DNAJB6: variants seen among roughly 807,000 people sequenced by gnomAD.
DNAJB6 encodes the protein DnaJ heat shock protein family (Hsp40) member B6.
DNAJB6 carries 16 observed loss-of-function variants against 42.7 expected under a neutral mutation model. The observed-to-expected ratio is 0.37, with a 90% CI of 0.25 to 0.57. The LOEUF (loss-of-function observed/expected upper bound fraction) is 0.57, where lower values mean the gene tolerates loss of function less well. DNAJB6 is among the 20% of genes least tolerant of loss of function. The pLI is 0.74. For synonymous variants in DNAJB6, 170 were observed against 163.5 expected (o/e 1.04, Z -0.30); for missense variants, 347 against 416.8 (o/e 0.83, Z 1.46).
At chr7:157,367,971 T>C (rs952674030) in intron 5 of DNAJB6, among the ~76,000 whole-genome samples, 16 of 150,852 alleles carry the variant, frequency 1.1e-4, no homozygotes, top group Non-Finnish European at 2.2e-4. Context: ...ACAAAAAAAA[T>C]ACTAAAAATT....
intron 8 of DNAJB6, among the ~76,000 whole-genome samples, chr7:157,399,983 A>G (rs1240343528): frequency 6.6e-6 from 1 of 152,184 alleles, no homozygotes; most frequent in Non-Finnish European, 1.5e-5. Flanking sequence ...TTTTGTCAGG[A>G]GAATATCAGC....
chr7:157,416,186 G>A lies in DNAJB6; in HGVS notation c.*88G>A, dbSNP rs139193261. On this transcript the variant is annotated 3_prime_UTR_variant, in exon 10 of 10. Transcript: ENST00000262177. Reference sequence around the variant, plus strand: ...TCGTGCACACGCGCTAGGTAGCAGCGTCGGTCAGGACTGTCTCGAGGCCAC... The same window carrying A: ...TCGTGCACACGCGCTAGGTAGCAGCATCGGTCAGGACTGTCTCGAGGCCAC... 1.9e-3 allele frequency: 2,970 copies of A among 1,550,378 alleles called. 95 individuals carry two copies. The Admixed American group carries it at 0.05, about 26-fold the overall frequency.
At chr7:157,347,689 ATAAT>A (rs1183518099) in intron 1 of DNAJB6, among the ~76,000 whole-genome samples, 3 of 152,282 alleles carry the variant, frequency 2.0e-5, no homozygotes, top group Non-Finnish European at 4.4e-5. Flanking sequence ...TAATCGGCTA[ATAAT>A]TAAGCCTCAA....
chr7:157,409,708 G>C lies in DNAJB6; in HGVS notation c.692-87G>C, dbSNP rs992491582. 28 of 1,378,668 alleles carry C rather than the reference G, an allele frequency of 2.0e-5. No individual in the cohort carries two copies. In the African/African-American group the frequency reaches 2.4e-4, roughly 12 times the overall value. 85.4% of individuals were successfully genotyped at this position (1,378,668 alleles called of 1,614,324 possible). Reference sequence around the variant, plus strand: ...TGGCGCGTCTGGATTCAGGGAGATCGTGCGGCCAGCTTCCCTCCCTCTGCT... The same window carrying C: ...TGGCGCGTCTGGATTCAGGGAGATCCTGCGGCCAGCTTCCCTCCCTCTGCT... On this transcript the variant is annotated intron_variant, in intron 8 of 9. Coordinates refer to ENST00000262177, the MANE Select transcript of DNAJB6 (RefSeq NM_058246.4).
chr7:157,369,918 C>G (rs1800078772), intron 5 of DNAJB6, among the ~76,000 whole-genome samples: 4 of 148,982 alleles, frequency 2.7e-5, no homozygotes, highest in African/African-American at 1.0e-4. Context: ...CAGGCCCCTT[C>G]TTAACATTAT....
intron 8 of DNAJB6, among the ~76,000 whole-genome samples, chr7:157,387,018 CTG>C (rs1455346200): frequency 1.3e-5 from 2 of 150,290 alleles, no homozygotes; most frequent in South Asian, 2.1e-4. Flanking sequence ...GAATTTGAAA[CTG>C]TTTTGGAACT....
At chr7:157,347,123 G>A (rs1798730032) in intron 1 of DNAJB6, among the ~76,000 whole-genome samples, 1 of 152,204 alleles carries the variant, frequency 6.6e-6, no homozygotes, top group Non-Finnish European at 1.5e-5. Context: ...CCAAAGTGCT[G>A]GGATTACAGG....
chr7:157,340,993 T>G (rs370228381), intron 1 of DNAJB6, among the ~76,000 whole-genome samples: 1 of 83,722 alleles, frequency 1.2e-5, no homozygotes, highest in African/African-American at 4.3e-5. Context: ...TGTGTGTGTG[T>G]GTGTGCGCGC....
At chr7:157,346,020 C>T (rs1168940010) in intron 1 of DNAJB6, among the ~76,000 whole-genome samples, 2 of 139,836 alleles carry the variant, frequency 1.4e-5, no homozygotes, top group Non-Finnish European at 3.1e-5. Flanking sequence ...GTGTGCCTTC[C>T]AGTCCTCCTG....
chr7:157,394,524 T>G (rs796573541), intron 8 of DNAJB6, among the ~76,000 whole-genome samples: 113 of 125,696 alleles, frequency 9.0e-4, no homozygotes, highest in African/African-American at 3.6e-3. Flanking sequence ...TGAGACCCTG[T>G]CTCAGAAAAA....
rs191404936 is a variant in DNAJB6 at position 157,415,652 on chromosome 7, G to A, written c.899-364G>A. The A allele has an allele frequency of 3.1e-3, 727 of 237,540 alleles. 6 individuals carry two copies. The highest frequency in any genetic ancestry group is 0.015 in the African/African-American group (683 of 44,206). 14.7% of individuals were successfully genotyped at this position (237,540 alleles called of 1,614,324 possible). The stretch of plus-strand genomic sequence containing the variant: ...AGCTCTGCCGCTGGGCGGAACTGGG[G>A]TAGGTCCCAGGGTGGGGTTCCAGGA... On this transcript the variant is annotated intron_variant, in intron 9 of 9. Coordinates refer to ENST00000262177, the MANE Select transcript of DNAJB6 (RefSeq NM_058246.4).
chr7:157,350,045 C>T lies in DNAJB6; in HGVS notation c.-26-8502C>T, dbSNP rs1406711623. ...CTCAAGCGTTCCCTCATTCTCTGTC[C>T]CCAGAACACTGGGATTACAGGCATG... On this transcript the variant is annotated intron_variant, in intron 1 of 9. Transcript: ENST00000262177. 5.9e-5 allele frequency among the ~76,000 whole-genome samples: 9 copies of T among 152,200 alleles called. No homozygotes were observed. The South Asian group carries it at 1.9e-3, about 32-fold the overall frequency.
chr7:157,353,600 T>TGTGC (rs1168031276), intron 1 of DNAJB6, among the ~76,000 whole-genome samples: 2 of 147,468 alleles, frequency 1.4e-5, no homozygotes, highest in Non-Finnish European at 1.5e-5. Context: ...TGTGTGTGTG[T>TGTGC]GTGTGTGTGT....
chr7:157,346,028 C>T (rs997291277), intron 1 of DNAJB6, among the ~76,000 whole-genome samples: 10 of 113,642 alleles, frequency 8.8e-5, no homozygotes, highest in Admixed American at 5.8e-4. Flanking sequence ...TCCAGTCCTC[C>T]TGAGGGCCCA....
At chr7:157,399,499 G>A (rs1422246649) in intron 8 of DNAJB6, among the ~76,000 whole-genome samples, 4 of 152,216 alleles carry the variant, frequency 2.6e-5, no homozygotes, top group Non-Finnish European at 4.4e-5. Context: ...TGCTTGCAGC[G>A]CTCAGTGCTG....
chr7:157,359,618 GT>G (rs1173414305), intron 2 of DNAJB6, among the ~76,000 whole-genome samples: 1 of 151,950 alleles, frequency 6.6e-6, no homozygotes, highest in East Asian at 1.9e-4. Context: ...GAGCCCAGGG[GT>G]TTGAGACCAG....
At chr7:157,344,057 T>C (rs575167311) in intron 1 of DNAJB6, among the ~76,000 whole-genome samples, 17 of 152,252 alleles carry the variant, frequency 1.1e-4, no homozygotes, top group Admixed American at 2.6e-4. Context: ...ATGTTAATTA[T>C]GGGCCGGGTG....
intron 8 of DNAJB6, among the ~76,000 whole-genome samples, chr7:157,404,739 C>G (rs981185717): frequency 6.6e-6 from 1 of 152,078 alleles, no homozygotes; most frequent in African/African-American, 2.4e-5. Flanking sequence ...CTCCTGACCT[C>G]AAGTGATCCG....
rs562936080 is a variant in DNAJB6, at chr7:157,416,162, C to T, written c.*64C>T. On this transcript the variant is annotated 3_prime_UTR_variant, in exon 10 of 10. Coordinates refer to ENST00000262177, the MANE Select transcript of DNAJB6 (RefSeq NM_058246.4). ...CGCTCCACCGTGCTCGGCATGCGGT[C>T]GTGCACACGCGCTAGGTAGCAGCGT... The T allele has an allele frequency of 1.1e-4, 178 of 1,574,062 alleles. No homozygotes were observed. The South Asian group carries it at 1.4e-3, about 12-fold the overall frequency.
Sources: allele counts gnomAD v4.1 joint callset (sites outside exome capture counted in the v4.1 genomes callset), GRCh38; gene constraint gnomAD v4.1.1; transcripts MANE v1.5; gene names NCBI Gene and HGNC (gene_info 2026-07-23, HGNC 2026-07-21).